Variants in HERC3 observed in about 807,000 individuals in gnomAD.
HERC3 encodes HECT and RLD domain containing E3 ubiquitin protein ligase 3, also known as probable E3 ubiquitin-protein ligase HERC3.
Under a neutral mutation model 129.9 loss-of-function variants are expected in HERC3, and 58 were observed. The observed-to-expected ratio is 0.45, with a 90% confidence interval of 0.36 to 0.56. The LOEUF is 0.56. HERC3 is among the 20% of genes least tolerant of loss of function. The pLI, the probability that HERC3 is intolerant of heterozygous loss-of-function variation, is 0.00. For missense variants in HERC3, 835 were observed against 1,244.2 expected (o/e 0.67, Z 4.95); for synonymous variants, 430 against 451.0 (o/e 0.95, Z 0.59).
At chr4:88,664,833 C>T (rs1271738249) in intron 12 of HERC3, among the ~76,000 whole-genome samples, 1 of 152,072 alleles carries the variant, frequency 6.6e-6, no homozygotes, top group Non-Finnish European at 1.5e-5. Context: ...GATTTAGGTC[C>T]AGCCCAGCTC....
chr4:88,697,133 C>T (rs938894477), intron 23 of HERC3: 5 of 1,397,098 alleles, frequency 3.6e-6, no homozygotes, highest in Admixed American at 5.3e-5. Context: ...TTTTTAAGTC[C>T]ATCGATATTC....
At chr4:88,533,666 G>A in the HERC3 span, among the ~76,000 whole-genome samples, 65 of 152,212 alleles carry the variant, frequency 4.3e-4, 1 homozygote, top group South Asian at 2.1e-3. Context: ...CTTACAATTT[G>A]TTTCTTCATA....
At chr4:88,563,330 T>C in the HERC3 span, among the ~76,000 whole-genome samples, 6 of 152,232 alleles carry the variant, frequency 3.9e-5, no homozygotes, top group Admixed American at 3.3e-4. Context: ...GAAATGCTAC[T>C]GATTTTTGTA....
chr4:88,609,131 A>T (rs991724411), intron 3 of HERC3, among the ~76,000 whole-genome samples: 1 of 151,514 alleles, frequency 6.6e-6, no homozygotes. Context: ...AAAAAAAAAA[A>T]AATTAGCTGG....
At chr4:88,653,785 C>T (rs1729547541) in intron 6 of HERC3, among the ~76,000 whole-genome samples, 1 of 152,174 alleles carries the variant, frequency 6.6e-6, no homozygotes, top group Non-Finnish European at 1.5e-5. Context: ...GGCAAAATGA[C>T]TGTTTCTGAA....
At chr4:88,678,647 T>G (rs931888071) in intron 19 of HERC3, among the ~76,000 whole-genome samples, 3 of 152,218 alleles carry the variant, frequency 2.0e-5, no homozygotes, top group African/African-American at 7.2e-5. Flanking sequence ...AGCATAATGT[T>G]TGGTACACAG....
At chr4:88,626,266 TG>T (rs1434134208) in intron 3 of HERC3, among the ~76,000 whole-genome samples, 2 of 152,098 alleles carry the variant, frequency 1.3e-5, no homozygotes. Context: ...AGGCTGGTCT[TG>T]AACTCCTGGG....
chr4:88,528,822 C>T, the HERC3 span, among the ~76,000 whole-genome samples: 28 of 152,208 alleles, frequency 1.8e-4, 1 homozygote, highest in South Asian at 3.5e-3. Context: ...ACAAGACTTC[C>T]GGTGTTATTT....
At chr4:88,641,897 CA>C (rs1728134266) in intron 3 of HERC3, among the ~76,000 whole-genome samples, 1 of 152,046 alleles carries the variant, frequency 6.6e-6, no homozygotes, top group South Asian at 2.1e-4. Flanking sequence ...GTGGGCAGGA[CA>C]CTTGAGACCA....
upstream of HERC3, among the ~76,000 whole-genome samples, chr4:88,590,305 A>T (rs1375820808): frequency 6.6e-6 from 1 of 151,880 alleles, no homozygotes; most frequent in East Asian, 1.9e-4. Flanking sequence ...TCACGCCTGT[A>T]ATCCCAGCAC....
chr4:88,569,035 T>C, the HERC3 span, among the ~76,000 whole-genome samples: 3 of 152,148 alleles, frequency 2.0e-5, no homozygotes, highest in Admixed American at 2.0e-4. Context: ...CACCAGGACC[T>C]GCCCAGGAAT....
Position 88,667,366 on chromosome 4 carries a change from T to C in HERC3, c.1332-11T>C, listed in dbSNP as rs1289765240. The C allele has an allele frequency of 2.7e-6, 4 of 1,483,230 alleles. No individual in the cohort carries two copies. The highest frequency in any genetic ancestry group is 3.7e-6 in the Non-Finnish European group (4 of 1,075,700). The allele number at this position is 1,483,230 out of a possible 1,614,324, so 91.9% of individuals were successfully genotyped here. A position where few individuals can be genotyped will look rare whatever the true frequency, so the allele number is the denominator to read the frequency against. ...CTTTTATTATATACCTTTTTGATTTTGTTTGTTTAGAATTGATGAACATTT... is the reference window on the plus strand; with the variant it reads ...CTTTTATTATATACCTTTTTGATTTCGTTTGTTTAGAATTGATGAACATTT... On this transcript the variant is annotated splice_polypyrimidine_tract_variant and intron_variant, in intron 12 of 25. Transcript: ENST00000402738.
At chr4:88,694,299 T>A (rs1734370958) in intron 23 of HERC3, among the ~76,000 whole-genome samples, 1 of 152,230 alleles carries the variant, frequency 6.6e-6, no homozygotes, top group Non-Finnish European at 1.5e-5. Flanking sequence ...TTTATGTATT[T>A]CTCTAGTAGG....
intron 23 of HERC3, chr4:88,693,362 T>G: frequency 2.1e-6 from 2 of 962,052 alleles, no homozygotes; most frequent in Non-Finnish European, 2.5e-6. Flanking sequence ...AAATTGATTT[T>G]GCTAATGAAT....
intron 3 of HERC3, among the ~76,000 whole-genome samples, chr4:88,606,688 A>G (rs1334781641): frequency 6.6e-6 from 1 of 152,208 alleles, no homozygotes; most frequent in Non-Finnish European, 1.5e-5. Context: ...GAGCTTGTGC[A>G]GGGAGACTCC....
At chr4:88,677,025 C>T (rs550703802) in intron 18 of HERC3, among the ~76,000 whole-genome samples, 4 of 152,106 alleles carry the variant, frequency 2.6e-5, no homozygotes, top group East Asian at 1.9e-4. Flanking sequence ...ATCTCAGCTA[C>T]GCGGGAGGCT....
intron 3 of HERC3, among the ~76,000 whole-genome samples, chr4:88,645,249 G>C (rs895643054): frequency 6.6e-6 from 1 of 152,074 alleles, no homozygotes; most frequent in Non-Finnish European, 1.5e-5. Context: ...CAAGAGTTAG[G>C]GTGAATGTGA....
upstream of HERC3, among the ~76,000 whole-genome samples, chr4:88,587,449 A>T (rs1721561200): frequency 6.6e-6 from 1 of 152,244 alleles, no homozygotes; most frequent in South Asian, 2.1e-4. Context: ...CACAATTCAC[A>T]TACCATGTAA....
At chr4:88,603,094 T>TA in intron 2 of HERC3, among the ~76,000 whole-genome samples, 1 of 152,110 alleles carries the variant, frequency 6.6e-6, no homozygotes. Flanking sequence ...ACTTGAGTGT[T>TA]AGACACCACT....
Sources: allele counts gnomAD v4.1 joint callset (sites outside exome capture counted in the v4.1 genomes callset), GRCh38; gene constraint gnomAD v4.1.1; transcripts MANE v1.5; gene names NCBI Gene and HGNC (gene_info 2026-07-23, HGNC 2026-07-21).